The following TMEM132D variants were observed in gnomAD, a reference collection of about 807,000 sequenced individuals.
TMEM132D encodes the protein transmembrane protein 132D, also known as mature OL transmembrane protein.
Under a neutral mutation model 62.3 loss-of-function variants are expected in TMEM132D, and 21 were observed. The observed-to-expected ratio is 0.34, with a 90% CI of 0.24 to 0.49. The LOEUF (loss-of-function observed/expected upper bound fraction) is 0.49. TMEM132D is among the 20% of genes least tolerant of loss of function. TMEM132D has a pLI of 0.99. For synonymous variants in TMEM132D, 621 were observed against 575.6 expected (o/e 1.08, Z -1.13); for missense variants, 1,346 against 1,402.8 (o/e 0.96, Z 0.65).
chr12:129,735,341 C>T (rs1037484946), intron 1 of TMEM132D, among the ~76,000 whole-genome samples: 1 of 152,166 alleles, frequency 6.6e-6, no homozygotes, highest in East Asian at 1.9e-4. Context: ...CACCACCTGG[C>T]ATTTAAAAGG....
At chr12:129,710,846 T>C (rs113219152) in intron 1 of TMEM132D, among the ~76,000 whole-genome samples, 4 of 148,072 alleles carry the variant, frequency 2.7e-5, no homozygotes, top group Admixed American at 6.6e-5. Flanking sequence ...TGTTCAGCCT[T>C]AGTGCGCACG....
chr12:129,539,587 C>G (rs377723658), intron 2 of TMEM132D, among the ~76,000 whole-genome samples: 27 of 63,798 alleles, frequency 4.2e-4, no homozygotes, highest in African/African-American at 1.1e-3. Flanking sequence ...TTTTTTTTTT[C>G]TTTTAGCAGA....
intron 3 of TMEM132D, among the ~76,000 whole-genome samples, chr12:129,474,658 C>G (rs1040529532): frequency 2.0e-5 from 3 of 152,132 alleles, no homozygotes; most frequent in Non-Finnish European, 4.4e-5. Context: ...ATCCCATTGA[C>G]GTGGATGCTG....
chr12:129,094,875 C>T (rs952702764), intron 5 of TMEM132D, among the ~76,000 whole-genome samples: 13 of 152,080 alleles, frequency 8.5e-5, no homozygotes, highest in Non-Finnish European at 1.6e-4. Context: ...AGTTCATGTC[C>T]TTCGTAGGGA....
chr12:129,092,500 G>A (rs576751055), intron 5 of TMEM132D, among the ~76,000 whole-genome samples: 4 of 152,078 alleles, frequency 2.6e-5, no homozygotes, highest in African/African-American at 4.8e-5. Flanking sequence ...TTCGCGACCA[G>A]CCCGGCCAAC....
chr12:129,534,463 T>C (rs61190689), intron 2 of TMEM132D, among the ~76,000 whole-genome samples: 5,214 of 151,836 alleles, frequency 0.034, 301 homozygotes, highest in African/African-American at 0.12. Flanking sequence ...TGTATATACA[T>C]ATATGTATAC....
At chr12:129,129,086 C>T (rs1434878932) in intron 5 of TMEM132D, among the ~76,000 whole-genome samples, 3 of 152,186 alleles carry the variant, frequency 2.0e-5, no homozygotes, top group African/African-American at 7.2e-5. Context: ...GATCCCATCA[C>T]TCAAGTACTG....
intron 8 of TMEM132D, among the ~76,000 whole-genome samples, chr12:129,075,807 T>G (rs974294934): frequency 2.0e-5 from 3 of 152,242 alleles, no homozygotes; most frequent in Admixed American, 1.3e-4. Flanking sequence ...CAACTTTCTT[T>G]GCAAATAGTT....
intron 5 of TMEM132D, among the ~76,000 whole-genome samples, chr12:129,188,722 T>TGA (rs1385225985): frequency 9.0e-6 from 1 of 110,946 alleles, no homozygotes; most frequent in Non-Finnish European, 1.8e-5. Context: ...TAGAGATAAA[T>TGA]GAGAGAGAGA....
chr12:129,115,186 A>G (rs1405334227), intron 5 of TMEM132D, among the ~76,000 whole-genome samples: 1 of 152,230 alleles, frequency 6.6e-6, no homozygotes, highest in African/African-American at 2.4e-5. Context: ...CTATCCAGAC[A>G]TGGTCTAAAA....
chr12:129,593,201 C>T (rs1420037340), intron 2 of TMEM132D, among the ~76,000 whole-genome samples: 1 of 152,174 alleles, frequency 6.6e-6, no homozygotes, highest in Non-Finnish European at 1.5e-5. Context: ...GTCCTTCTGA[C>T]TTTCAAGCTT....
intron 5 of TMEM132D, among the ~76,000 whole-genome samples, chr12:129,208,219 C>T (rs1878915287): frequency 2.0e-5 from 3 of 152,150 alleles, no homozygotes; most frequent in African/African-American, 7.2e-5. Flanking sequence ...CCGAGGAGGG[C>T]TGGATCCTGG....
At chr12:129,089,055 G>A (rs1395118070) in intron 5 of TMEM132D, among the ~76,000 whole-genome samples, 1 of 45,416 alleles carries the variant, frequency 2.2e-5, no homozygotes, top group Non-Finnish European at 3.5e-5. Context: ...TGTCCTCCAT[G>A]ACCGGGGTGT....
At chr12:129,229,052 C>T (rs143555905) in intron 4 of TMEM132D, among the ~76,000 whole-genome samples, 77 of 152,324 alleles carry the variant, frequency 5.1e-4, no homozygotes, top group Admixed American at 4.8e-3. Context: ...CCGGGAGGGT[C>T]TGAATCCAGG....
intron 2 of TMEM132D, among the ~76,000 whole-genome samples, chr12:129,540,707 G>C (rs1008767525): frequency 6.6e-6 from 1 of 151,992 alleles, no homozygotes; most frequent in Middle Eastern, 3.2e-3. Flanking sequence ...GGCTGGTCTC[G>C]AACTCCTGGC....
At chr12:129,768,407 GAC>G (rs1870624528) in intron 1 of TMEM132D, among the ~76,000 whole-genome samples, 2 of 151,910 alleles carry the variant, frequency 1.3e-5, no homozygotes, top group Non-Finnish European at 1.5e-5. Context: ...GGTGTAAGGT[GAC>G]AGTTATCTCA....
At chr12:129,227,326 T>TATATATATATATATATATATA (rs57139130) in intron 4 of TMEM132D, among the ~76,000 whole-genome samples, 1 of 143,978 alleles carries the variant, frequency 6.9e-6, no homozygotes, top group African/African-American at 2.6e-5. Flanking sequence ...TATATATATA[T>TATATATATATATATATATATA]GGCGCAAGTC....
chr12:129,337,826 A>G lies in TMEM132D; in HGVS notation c.1116-9T>C. On this transcript the variant is annotated splice_polypyrimidine_tract_variant and intron_variant, in intron 3 of 8. Coordinates refer to ENST00000422113, the MANE Select transcript of TMEM132D (RefSeq NM_133448.3). ...AGGAGGCGCCATCCGCACTGGAGAG[A>G]AGACACAGAGGAGAACAGCTTTCAG... is the stretch of plus-strand genomic sequence containing the variant. 1 of 1,599,988 alleles carries G rather than the reference A, an allele frequency of 6.3e-7. No individual in the cohort carries two copies. The highest frequency in any genetic ancestry group is 8.5e-7 in the Non-Finnish European group (1 of 1,171,916).
intron 8 of TMEM132D, among the ~76,000 whole-genome samples, chr12:129,078,067 C>T (rs376461734): frequency 1.8e-4 from 28 of 152,308 alleles, no homozygotes; most frequent in African/African-American, 5.1e-4. Flanking sequence ...GGTCTGGAAG[C>T]GATCTCCCGC....
Sources: allele counts gnomAD v4.1 joint callset (sites outside exome capture counted in the v4.1 genomes callset), GRCh38; gene constraint gnomAD v4.1.1; transcripts MANE v1.5; gene names NCBI Gene and HGNC (gene_info 2026-07-23, HGNC 2026-07-21).